NSD1: variants seen among roughly 807,000 people sequenced by gnomAD.
The protein encoded by NSD1 is histone-lysine N-methyltransferase, H3 lysine-36 specific.
In NSD1, 26 loss-of-function variants were observed where a neutral mutation model predicts 242.7. The ratio of observed to expected loss-of-function variants is 0.11; its 90% CI spans 0.08 to 0.15. NSD1 has a LOEUF of 0.15. Ranked by LOEUF, NSD1 falls within the 10% of genes least tolerant of loss-of-function variation. The pLI, the probability that NSD1 is intolerant of heterozygous loss-of-function variation, is 1.00. For missense variants in NSD1, 2,495 were observed against 3,272.8 expected (o/e 0.76, Z 5.80); for synonymous variants, 1,106 against 1,178.1 (o/e 0.94, Z 1.25).
rs908483226 is a variant in NSD1 at position 177,297,525 on chromosome 5, T to G, written c.*2066T>G. 3 of 232,324 alleles carry G rather than the reference T, an allele frequency of 1.3e-5. No homozygotes were observed. The highest frequency in any genetic ancestry group is 6.6e-5 in the African/African-American group (3 of 45,280). The allele number at this position is 232,324 out of a possible 1,614,324, so 14.4% of individuals were successfully genotyped here. A position where few individuals can be genotyped will look rare whatever the true frequency, so the allele number is the denominator to read the frequency against. ...AGTAGGGTTTGCTTGGTGCCAGTCC[T>G]GTGCCCTTTTCTCTCCAGTCATCTG... On this transcript the variant is annotated 3_prime_UTR_variant, in exon 23 of 23. Coordinates refer to ENST00000439151, the MANE Select transcript of NSD1 (RefSeq NM_022455.5).
At chr5:177,270,020 C>CT (rs1182545582) in intron 16 of NSD1, among the ~76,000 whole-genome samples, 4 of 151,872 alleles carry the variant, frequency 2.6e-5, no homozygotes, top group African/African-American at 9.7e-5. Context: ...TTTCCTTGAG[C>CT]TTTTTTTTGA....
intron 17 of NSD1, among the ~76,000 whole-genome samples, chr5:177,275,130 G>A (rs1405687435): frequency 6.6e-6 from 1 of 151,182 alleles, no homozygotes; most frequent in Non-Finnish European, 1.5e-5. Context: ...CTCAAATATT[G>A]GATCGAGCAT....
chr5:177,217,517 G>A (rs1296061397), intron 5 of NSD1, among the ~76,000 whole-genome samples: 2 of 152,058 alleles, frequency 1.3e-5, no homozygotes, highest in African/African-American at 4.8e-5. Context: ...TGCTACAGTG[G>A]TATATTTCCC....
chr5:177,251,710 T>A lies in NSD1; in HGVS notation c.4642-20T>A. Reference sequence around the variant, plus strand: ...TCTCAAACATGGAAAAACAGATAGATGTTTTCTTTCTCTTAACAGAATTGT... The same window carrying A: ...TCTCAAACATGGAAAAACAGATAGAAGTTTTCTTTCTCTTAACAGAATTGT... On this transcript the variant is annotated intron_variant, in intron 11 of 22. Transcript: ENST00000439151. The A allele has an allele frequency of 1.2e-6, 2 of 1,613,620 alleles. No individual in the cohort carries two copies. The highest frequency in any genetic ancestry group is 1.7e-6 in the Non-Finnish European group (2 of 1,179,506).
At chr5:177,248,080 G>C (rs990841961) in intron 10 of NSD1, 101 bp from the exon 11 acceptor site, 1 of 1,563,224 alleles carries the variant, frequency 6.4e-7, no homozygotes. Flanking sequence ...CTGAACATCT[G>C]TAAGTGCTTA....
chr5:177,274,836 C>G (rs1270328619), intron 17 of NSD1, among the ~76,000 whole-genome samples: 1 of 151,974 alleles, frequency 6.6e-6, no homozygotes, highest in Non-Finnish European at 1.5e-5. Flanking sequence ...CAGGTTCAAG[C>G]AAGTCTTCTG....
intron 17 of NSD1, among the ~76,000 whole-genome samples, chr5:177,278,546 A>G (rs1423605841): frequency 1.3e-5 from 2 of 152,254 alleles, no homozygotes. Context: ...GAGGACAGAA[A>G]TGACTTTTAA....
chr5:177,265,933 C>T, intron 14 of NSD1: 5 of 1,335,592 alleles, frequency 3.7e-6, no homozygotes, highest in Non-Finnish European at 5.4e-6. Flanking sequence ...TGTCTACCTC[C>T]TTTATGAGGC....
At chr5:177,165,940 C>T (rs372724983) in intron 2 of NSD1, among the ~76,000 whole-genome samples, 7 of 133,464 alleles carry the variant, frequency 5.2e-5, no homozygotes, top group Non-Finnish European at 9.3e-5. Context: ...GATGGAGTCT[C>T]GCTCTGTCAC....
chr5:177,272,535 T>A (rs1758024545), intron 16 of NSD1, among the ~76,000 whole-genome samples: 1 of 152,176 alleles, frequency 6.6e-6, no homozygotes, highest in South Asian at 2.1e-4. Flanking sequence ...CAGTTTTAAG[T>A]GCAGAATGAG....
At chr5:177,182,620 C>T (rs79069013) in intron 2 of NSD1, among the ~76,000 whole-genome samples, 3,852 of 151,900 alleles carry the variant, frequency 0.025, 48 homozygotes, top group African/African-American at 0.029. Flanking sequence ...CTCCCCTCCC[C>T]GCTTTTTAAA....
At chr5:177,265,734 A>G (rs1343741290) in intron 14 of NSD1, 8 of 1,573,390 alleles carry the variant, frequency 5.1e-6, no homozygotes, top group Non-Finnish European at 7.0e-6. Flanking sequence ...TCCATGTAGA[A>G]CACCGTCTGC....
chr5:177,134,981 A>G lies in NSD1; in HGVS notation c.-17-106A>G, dbSNP rs73806730. Reference sequence around the variant, plus strand: ...GAACTTTTTCTGCCCATGGAAGTGCAGCAGAAAGGCATAGAGGCCACTAGG... The same window carrying G: ...GAACTTTTTCTGCCCATGGAAGTGCGGCAGAAAGGCATAGAGGCCACTAGG... On this transcript the variant is annotated intron_variant, in intron 1 of 22. Transcript: ENST00000439151. The surrounding 1 kb of genome is among the most constrained non-coding windows in gnomAD (Gnocchi z 4.2). 958 of 960,326 alleles carry G rather than the reference A, an allele frequency of 1.0e-3. 6 individuals carry two copies. In the African/African-American group the frequency reaches 0.014, roughly 14 times the overall value. 59.5% of individuals were successfully genotyped at this position (960,326 alleles called of 1,614,324 possible).
intron 5 of NSD1, among the ~76,000 whole-genome samples, chr5:177,233,689 A>G (rs1765231856): frequency 1.3e-5 from 2 of 152,082 alleles, no homozygotes; most frequent in Non-Finnish European, 1.5e-5. Flanking sequence ...ATCTAGGGAC[A>G]TCTTTTCTGA....
At chr5:177,255,751 T>G (rs915327098) in intron 12 of NSD1, among the ~76,000 whole-genome samples, 1 of 151,992 alleles carries the variant, frequency 6.6e-6, no homozygotes, top group Non-Finnish European at 1.5e-5. Flanking sequence ...CCCAGCTAAT[T>G]GTTTTGTATT....
At chr5:177,266,071 C>T in intron 14 of NSD1, 2 of 1,115,566 alleles carry the variant, frequency 1.8e-6, no homozygotes, top group Non-Finnish European at 2.8e-6. Flanking sequence ...AGTCTTTGTA[C>T]TGCCGGTCCT....
intron 12 of NSD1, among the ~76,000 whole-genome samples, chr5:177,255,991 ATT>A (rs1756419356): frequency 6.6e-6 from 1 of 152,190 alleles, no homozygotes; most frequent in Non-Finnish European, 1.5e-5. Flanking sequence ...TTCTCCCTAT[ATT>A]TCAAAAGGTT....
intron 3 of NSD1, among the ~76,000 whole-genome samples, chr5:177,202,170 G>GAAA (rs199735386): frequency 3.6e-5 from 5 of 140,804 alleles, no homozygotes; most frequent in African/African-American, 1.3e-4. Context: ...CTCCGTCTCA[G>GAAA]AAAAAAAAAA....
intron 14 of NSD1, chr5:177,265,902 C>T: frequency 6.8e-7 from 1 of 1,470,494 alleles, no homozygotes. Context: ...AAGGTCAGGT[C>T]TTCCACCTTG....
Sources: allele counts gnomAD v4.1 joint callset (sites outside exome capture counted in the v4.1 genomes callset), GRCh38; gene constraint gnomAD v4.1.1; non-coding constraint Gnocchi (gnomAD v3.1); transcripts MANE v1.5; gene names NCBI Gene and HGNC (gene_info 2026-07-23, HGNC 2026-07-21).